PDLIM5: variants seen among roughly 807,000 people sequenced by gnomAD.
The protein encoded by PDLIM5 is PDZ and LIM domain 5, also known as PDZ and LIM domain protein 5.
PDLIM5 carries 34 observed loss-of-function variants against 64.2 expected under a neutral mutation model. The ratio of observed to expected loss-of-function variants is 0.53; its 90% confidence interval spans 0.40 to 0.71. The LOEUF is 0.71. Among genes scored for constraint, PDLIM5 ranks in the 30% least tolerant of loss-of-function variants. The pLI is 0.00. For synonymous variants in PDLIM5, 253 were observed against 269.1 expected (o/e 0.94, Z 0.59); for missense variants, 683 against 733.6 (o/e 0.93, Z 0.80).
intron 11 of PDLIM5, among the ~76,000 whole-genome samples, chr4:94,661,337 G>A (rs1742697047): frequency 6.6e-6 from 1 of 151,934 alleles, no homozygotes; most frequent in African/African-American, 2.4e-5. Flanking sequence ...AGGCTGCGGT[G>A]AACTATGATC....
At chr4:94,632,082 G>A (rs150177313) in intron 8 of PDLIM5, among the ~76,000 whole-genome samples, 17 of 152,236 alleles carry the variant, frequency 1.1e-4, no homozygotes, top group Non-Finnish European at 2.2e-4. Context: ...CAGGCTCTTA[G>A]CATAAACTTG....
At chr4:94,652,040 CT>C (rs1486333448) in intron 9 of PDLIM5, among the ~76,000 whole-genome samples, 3 of 152,164 alleles carry the variant, frequency 2.0e-5, no homozygotes, top group Non-Finnish European at 4.4e-5. Flanking sequence ...ATGTATTTTC[CT>C]TGGTCAGTTA....
intron 2 of PDLIM5, among the ~76,000 whole-genome samples, chr4:94,506,304 G>A (rs771392685): frequency 6.6e-6 from 1 of 152,148 alleles, no homozygotes; most frequent in Non-Finnish European, 1.5e-5. Flanking sequence ...ATACTGAATT[G>A]CACGTAATGT....
chr4:94,521,295 G>A (rs1189745376), intron 2 of PDLIM5, among the ~76,000 whole-genome samples: 1 of 152,138 alleles, frequency 6.6e-6, no homozygotes, highest in Non-Finnish European at 1.5e-5. Context: ...CAAATATGGA[G>A]AATGTGAAGG....
chr4:94,486,810 TG>T (rs1726381813), intron 2 of PDLIM5, among the ~76,000 whole-genome samples: 2 of 152,168 alleles, frequency 1.3e-5, no homozygotes, highest in Admixed American at 1.3e-4. Flanking sequence ...GAGACCAGCC[TG>T]GTCAACAGAG....
intron 7 of PDLIM5, among the ~76,000 whole-genome samples, chr4:94,605,477 A>C (rs928071534): frequency 6.6e-6 from 1 of 152,118 alleles, no homozygotes; most frequent in Non-Finnish European, 1.5e-5. Context: ...AGAAATGAAA[A>C]CTCATTTAAG....
chr4:94,553,120 TTTA>T (rs148574688), intron 3 of PDLIM5, among the ~76,000 whole-genome samples: 22 of 151,758 alleles, frequency 1.4e-4, no homozygotes, highest in Admixed American at 2.0e-4. Context: ...AATTATCAGT[TTTA>T]TTATTATTAT....
At chr4:94,551,609 G>A (rs1035036356) in intron 3 of PDLIM5, among the ~76,000 whole-genome samples, 1 of 152,014 alleles carries the variant, frequency 6.6e-6, no homozygotes, top group Non-Finnish European at 1.5e-5. Context: ...CCAAATAAAC[G>A]TGAAGATCTT....
intron 2 of PDLIM5, among the ~76,000 whole-genome samples, chr4:94,461,267 G>A (rs941210328): frequency 6.6e-5 from 10 of 152,138 alleles, no homozygotes; most frequent in African/African-American, 1.7e-4. Context: ...TATTGAGTAC[G>A]TGACATAAAA....
chr4:94,663,037 C>G (rs142862876), intron 12 of PDLIM5, among the ~76,000 whole-genome samples: 2 of 151,986 alleles, frequency 1.3e-5, no homozygotes, highest in Non-Finnish European at 2.9e-5. Flanking sequence ...AAGTATTTGC[C>G]TATTCATTTG....
At chr4:94,494,909 C>T (rs948489623) in intron 2 of PDLIM5, among the ~76,000 whole-genome samples, 4 of 151,918 alleles carry the variant, frequency 2.6e-5, no homozygotes, top group Admixed American at 6.6e-5. Flanking sequence ...TCGCCACGCC[C>T]GGATAATTTT....
chr4:94,586,577 G>A (rs1489703825), intron 7 of PDLIM5, 133 bp downstream of exon 7: 24 of 617,632 alleles, frequency 3.9e-5, no homozygotes, highest in Non-Finnish European at 8.8e-6. Context: ...TAACTTTGGT[G>A]CCTTTTGTGT....
At chr4:94,604,307 C>T (rs1029274608) in intron 7 of PDLIM5, among the ~76,000 whole-genome samples, 9 of 152,104 alleles carry the variant, frequency 5.9e-5, no homozygotes, top group Admixed American at 3.9e-4. Flanking sequence ...CTAATGTAGT[C>T]ATCTTCGGGT....
intron 7 of PDLIM5, among the ~76,000 whole-genome samples, chr4:94,602,723 T>A (rs1737603307): frequency 6.6e-6 from 1 of 152,154 alleles, no homozygotes; most frequent in South Asian, 2.1e-4. Flanking sequence ...CCCAAAGTGC[T>A]GGGATTGCAG....
chr4:94,515,936 A>G (rs1174434217), intron 2 of PDLIM5, among the ~76,000 whole-genome samples: 1 of 152,218 alleles, frequency 6.6e-6, no homozygotes, highest in African/African-American at 2.4e-5. Flanking sequence ...TTTACAGACT[A>G]TCATACTTTC....
chr4:94,582,286 A>C (rs1735797233), intron 5 of PDLIM5, among the ~76,000 whole-genome samples: 1 of 152,166 alleles, frequency 6.6e-6, no homozygotes, highest in Admixed American at 6.6e-5. Context: ...TACATTTTAC[A>C]TCTGATTGCT....
intron 8 of PDLIM5, among the ~76,000 whole-genome samples, chr4:94,629,701 T>G (rs927625213): frequency 1.3e-5 from 2 of 152,252 alleles, no homozygotes; most frequent in African/African-American, 4.8e-5. Context: ...GTGGAAATAT[T>G]TGATACTTAG....
At position 94,523,690 on chromosome 4, in the gene PDLIM5, G is replaced by T. The variant is rs769427826; in HGVS notation, c.97-34G>T. Reference sequence around the variant, plus strand: ...TCAGCATTTATTATTCTTTTTCAAAGAGTGACACTCCTAATGAAATATATT... The same window carrying T: ...TCAGCATTTATTATTCTTTTTCAAATAGTGACACTCCTAATGAAATATATT... On this transcript the variant is annotated intron_variant, in intron 2 of 12. Transcript: ENST00000317968. The T allele has an allele frequency of 2.6e-6, 4 of 1,557,478 alleles. No homozygotes were observed. The South Asian group carries it at 4.6e-5, about 18-fold the overall frequency.
At chr4:94,587,116 T>C in intron 7 of PDLIM5, 2 of 1,573,600 alleles carry the variant, frequency 1.3e-6, no homozygotes, top group East Asian at 2.3e-5. Context: ...AGCCAGCACA[T>C]ACCTTTTCAT....
Sources: gnomAD v4.1 joint callset for allele counts (sites outside exome capture counted in the v4.1 genomes callset) on GRCh38, gnomAD v4.1.1 for gene constraint, MANE v1.5 for transcripts, NCBI Gene and HGNC (gene_info 2026-07-23, HGNC 2026-07-21) for gene names.